PHLPP1: variants seen among roughly 807,000 people sequenced by gnomAD.
The protein encoded by PHLPP1 is PH domain leucine-rich repeat-containing protein phosphatase 1.
In PHLPP1, 42 loss-of-function variants were observed where a neutral mutation model predicts 117.2. The ratio of observed to expected loss-of-function variants is 0.36; its 90% confidence interval spans 0.28 to 0.46. The LOEUF (loss-of-function observed/expected upper bound fraction) is 0.46. Among genes scored for constraint, PHLPP1 ranks in the 20% least tolerant of loss-of-function variants. The pLI is 1.00. For synonymous variants in PHLPP1, 1,042 were observed against 970.7 expected (o/e 1.07, Z -1.37); for missense variants, 2,084 against 2,241.9 (o/e 0.93, Z 1.42).
intron 14 of PHLPP1, among the ~76,000 whole-genome samples, chr18:62,964,688 A>G (rs1485794960): frequency 6.6e-6 from 1 of 152,118 alleles, no homozygotes; most frequent in African/African-American, 2.4e-5. Flanking sequence ...GACAGAGGAG[A>G]ATTCATATAT....
chr18:62,850,765 T>G (rs1915325658), intron 3 of PHLPP1, among the ~76,000 whole-genome samples: 1 of 152,148 alleles, frequency 6.6e-6, no homozygotes, highest in Non-Finnish European at 1.5e-5. Context: ...GGAAAGCTGT[T>G]AGTGACATCT....
chr18:62,780,813 A>T (rs996675412), intron 1 of PHLPP1, among the ~76,000 whole-genome samples: 1 of 152,214 alleles, frequency 6.6e-6, no homozygotes, highest in Non-Finnish European at 1.5e-5. Flanking sequence ...TCCTTACTGT[A>T]TACTGATGCA....
chr18:62,840,327 A>G (rs1204948373), intron 3 of PHLPP1, among the ~76,000 whole-genome samples: 1 of 152,206 alleles, frequency 6.6e-6, no homozygotes, highest in Non-Finnish European at 1.5e-5. Context: ...TCTCAACCTA[A>G]TAGACAAATG....
At chr18:62,925,173 C>T (rs891067190) in intron 10 of PHLPP1, among the ~76,000 whole-genome samples, 1 of 152,182 alleles carries the variant, frequency 6.6e-6, no homozygotes, top group Admixed American at 6.5e-5. Flanking sequence ...TGAGACATTG[C>T]CAGAGGGATT....
intron 15 of PHLPP1, among the ~76,000 whole-genome samples, chr18:62,973,108 G>C (rs1397009748): frequency 6.6e-6 from 1 of 152,110 alleles, no homozygotes; most frequent in African/African-American, 2.4e-5. Flanking sequence ...CTAGTTTCTT[G>C]GCCCTTATGA....
chr18:62,731,036 T>C (rs1038999991), intron 1 of PHLPP1, among the ~76,000 whole-genome samples: 1 of 152,194 alleles, frequency 6.6e-6, no homozygotes, highest in Non-Finnish European at 1.5e-5. Flanking sequence ...CCTTGTTTTA[T>C]TGTGCTTGCT....
Position 62,716,539 on chromosome 18 carries a change from A to C in PHLPP1, c.856A>C (p.Ser286Arg). 1 of 1,180,818 alleles carries C rather than the reference A, an allele frequency of 8.5e-7. No homozygotes were observed. Among genetic ancestry groups the C allele is most frequent in the Non-Finnish European group, 1.0e-6 (1 of 956,112 alleles). 73.1% of individuals were successfully genotyped at this position (1,180,818 alleles called of 1,614,324 possible). The change falls in exon 1 of 17, where the codon AGC (serine) becomes CGC (arginine). Residue 286 changes from serine to arginine, a missense_variant. By Grantham distance (110) the Ser-to-Arg change is moderately radical. Transcript: ENST00000262719. This position sits in a 1 kb window ranked among gnomAD's most constrained non-coding sequence, Gnocchi z 5.7. ...PRDSEVPPAR[S>R]APGAFGGPPR... ...GGACTCGGAGGTACCGCCCGCGAGG[A>C]GCGCGCCGGGTGCCTTCGGGGGGCC...
intron 15 of PHLPP1, among the ~76,000 whole-genome samples, 172 bp from the exon 16 acceptor site, chr18:62,975,225 G>A (rs1361283337): frequency 1.3e-5 from 2 of 152,114 alleles, no homozygotes; most frequent in Non-Finnish European, 2.9e-5. Flanking sequence ...CAGATTCAGG[G>A]GCTCTTTTCA....
chr18:62,759,675 A>T (rs956349126), intron 1 of PHLPP1, among the ~76,000 whole-genome samples: 1 of 152,190 alleles, frequency 6.6e-6, no homozygotes, highest in Non-Finnish European at 1.5e-5. Context: ...AATTCTACCC[A>T]CCCAAATTAA....
intron 4 of PHLPP1, among the ~76,000 whole-genome samples, chr18:62,871,873 C>T (rs1344794003): frequency 6.6e-6 from 1 of 150,718 alleles, no homozygotes; most frequent in African/African-American, 2.4e-5. Context: ...TTGAATTCCT[C>T]ACCTCAAGTG....
rs779141191 is a variant in PHLPP1 at position 62,716,126 on chromosome 18, C to T, written c.443C>T (p.Ala148Val). The T allele has an allele frequency of 4.2e-5, 63 of 1,516,370 alleles. No homozygotes were observed. Among genetic ancestry groups the T allele is most frequent in the Non-Finnish European group, 5.3e-5 (60 of 1,138,998 alleles). The allele number at this position is 1,516,370 out of a possible 1,614,324, so 93.9% of individuals were successfully genotyped here. ...SSSSSSSAAA[A>V]SHSPGAAGLP... ...TCGTCGTCGTCCTCGGCCGCTGCTG[C>T]CTCGCACTCCCCCGGCGCTGCCGGC... is the stretch of plus-strand genomic sequence containing the variant. The change falls in exon 1 of 17, where the codon GCC (alanine) becomes GTC (valine). Residue 148 changes from alanine (A) to valine (V), a missense_variant. Ala to Val is a moderately conservative substitution (Grantham distance 64). Around this residue, in one of 2 missense-constraint regions of PHLPP1, gnomAD observed 719 missense variants for 636.0 expected, o/e 1.13. Coordinates refer to ENST00000262719, the MANE Select transcript of PHLPP1 (RefSeq NM_194449.4). This position sits in a 1 kb window ranked among gnomAD's most constrained non-coding sequence, Gnocchi z 5.7.
At chr18:62,813,586 G>C (rs1476717132) in intron 1 of PHLPP1, among the ~76,000 whole-genome samples, 1 of 152,218 alleles carries the variant, frequency 6.6e-6, no homozygotes, top group African/African-American at 2.4e-5. Flanking sequence ...ACCAGGTCAA[G>C]TTGGTTAGTT....
intron 10 of PHLPP1, among the ~76,000 whole-genome samples, chr18:62,930,524 A>T (rs535681651): frequency 6.6e-6 from 1 of 152,234 alleles, no homozygotes; most frequent in Non-Finnish European, 1.5e-5. Flanking sequence ...TAATTATCCT[A>T]TGTACATACT....
intron 1 of PHLPP1, among the ~76,000 whole-genome samples, chr18:62,766,617 A>G (rs1912543643): frequency 6.6e-6 from 1 of 152,168 alleles, no homozygotes; most frequent in Admixed American, 6.5e-5. Flanking sequence ...CACTCAACTA[A>G]TAGAGCTAAG....
At position 62,857,919 on chromosome 18, in the gene PHLPP1, G is replaced by T. The variant is rs575894860; in HGVS notation, c.1900-2516G>T. 5.9e-5 allele frequency among the ~76,000 whole-genome samples: 9 copies of T among 152,314 alleles called. No homozygotes were observed. In the South Asian group the frequency reaches 1.9e-3, roughly 32 times the overall value. Reference sequence around the variant, plus strand: ...TGAATGATTCCACTAGCTAGCAGAGGTTTCAAACTCACTTTCTATAAACAG... The same window carrying T: ...TGAATGATTCCACTAGCTAGCAGAGTTTTCAAACTCACTTTCTATAAACAG... On this transcript the variant is annotated intron_variant, in intron 3 of 16. Coordinates refer to ENST00000262719, the MANE Select transcript of PHLPP1 (RefSeq NM_194449.4).
chr18:62,882,593 A>G (rs1357039428), intron 4 of PHLPP1, among the ~76,000 whole-genome samples: 5 of 152,194 alleles, frequency 3.3e-5, no homozygotes, highest in African/African-American at 4.8e-5. Context: ...GAGCAAGTAT[A>G]TTCAATACAC....
intron 7 of PHLPP1, among the ~76,000 whole-genome samples, chr18:62,904,587 G>T (rs1290264608): frequency 6.6e-6 from 1 of 152,206 alleles, no homozygotes; most frequent in Non-Finnish European, 1.5e-5. Context: ...AAGGTAACTG[G>T]AAGAGAGGAG....
intron 13 of PHLPP1, among the ~76,000 whole-genome samples, chr18:62,961,695 A>G (rs1910774095): frequency 6.6e-6 from 1 of 152,110 alleles, no homozygotes; most frequent in Admixed American, 6.5e-5. Flanking sequence ...TTTTTTGTTA[A>G]TGCCTCTTTT....
At chr18:62,757,773 GT>G (rs1203963044) in intron 1 of PHLPP1, among the ~76,000 whole-genome samples, 5 of 152,194 alleles carry the variant, frequency 3.3e-5, no homozygotes, top group African/African-American at 9.7e-5. Flanking sequence ...CTGTTTTCCA[GT>G]TTTGCAGCTC....
Sources: allele counts gnomAD v4.1 joint callset (sites outside exome capture counted in the v4.1 genomes callset), GRCh38; gene constraint gnomAD v4.1.1; regional missense constraint gnomAD v4.1.1; non-coding constraint Gnocchi (gnomAD v3.1); transcripts MANE v1.5; gene names NCBI Gene and HGNC (gene_info 2026-07-23, HGNC 2026-07-21).